Variants in MYO5C observed in about 807,000 individuals in gnomAD.
MYO5C encodes myosin VC.
A neutral mutation model predicts 235.7 loss-of-function variants in MYO5C; 194 were observed. That is an observed-to-expected ratio of 0.82 (90% confidence interval 0.73 to 0.93). MYO5C has a LOEUF of 0.93. Ranked by LOEUF, MYO5C falls within the 40% of genes least tolerant of loss-of-function variation. The pLI is 0.00. For synonymous variants in MYO5C, 707 were observed against 754.8 expected, an observed-to-expected ratio of 0.94 and a Z score of 1.04; for missense variants, 2,038 against 2,127.2, an observed-to-expected ratio of 0.96 and a Z score of 0.82.
Position 52,246,978 on chromosome 15 carries a change from T to C in MYO5C, c.1918A>G (p.Asn640Asp), listed in dbSNP as rs745989609. 6.2e-6 allele frequency: 10 copies of C among 1,613,992 alleles called. No homozygotes were observed. Among genetic ancestry groups the C allele is most frequent in the Non-Finnish European group, 6.8e-6 (8 of 1,179,992 alleles). ...SSLYLLMETL[N>D]ATTPHYVRCI... ...CGAACGTAGTGGGGCGTCGTCGCAT[T>C]GAGGGTCTCCATGAGCAAGTACAGA... Residue 640 changes from asparagine (N) to aspartate (D), a missense_variant, in exon 16 of 41, where the codon AAT becomes GAT. Coordinates refer to ENST00000261839, the MANE Select transcript of MYO5C (RefSeq NM_018728.4).
intron 17 of MYO5C, 49 bp downstream of exon 17, chr15:52,245,907 G>C (rs2036330596): frequency 3.3e-6 from 5 of 1,530,374 alleles, no homozygotes; most frequent in Non-Finnish European, 3.6e-6. Flanking sequence ...TCTCAGCATA[G>C]CTCTGATGTC....
chr15:52,265,087 T>G (rs2036775583), intron 8 of MYO5C: 1 of 152,278 alleles, frequency 6.6e-6, no homozygotes, highest in African/African-American at 2.4e-5. Flanking sequence ...TTGTAAATAA[T>G]AAATAACCCC....
rs779643149 is a variant in MYO5C at position 52,219,825 on chromosome 15, A to G, written c.3722-3T>C. On this transcript the variant is annotated splice_polypyrimidine_tract_variant and splice_region_variant and intron_variant, in intron 30 of 40. Coordinates refer to ENST00000261839, the MANE Select transcript of MYO5C (RefSeq NM_018728.4). ...ATTAGACAATTCTTCTAGTTTTCCT[A>G]TAATGAGAAGAACTGTCAGTACTTT... The G allele has an allele frequency of 1.2e-6, 2 of 1,609,304 alleles. No homozygotes were observed. The highest frequency in any genetic ancestry group is 1.3e-5 in the African/African-American group (1 of 74,968).
At chr15:52,208,088 T>C (rs1191459140) in intron 36 of MYO5C, among the ~76,000 whole-genome samples, 1 of 152,228 alleles carries the variant, frequency 6.6e-6, no homozygotes, top group African/African-American at 2.4e-5. Context: ...TTTGTTATTT[T>C]AGTTCAATGA....
At chr15:52,264,325 A>G in intron 8 of MYO5C, 29 bp from the exon 9 acceptor site, 1 of 1,528,674 alleles carries the variant, frequency 6.5e-7, no homozygotes, top group Non-Finnish European at 9.0e-7. Context: ...CCAGATTAGA[A>G]TACTGCATCT....
intron 13 of MYO5C, among the ~76,000 whole-genome samples, chr15:52,250,580 C>G (rs1343874586): frequency 6.6e-6 from 1 of 152,200 alleles, no homozygotes; most frequent in Non-Finnish European, 1.5e-5. Context: ...ACTCTGCTAG[C>G]ACACAAAGGT....
intron 38 of MYO5C, among the ~76,000 whole-genome samples, chr15:52,201,462 C>T (rs2035185691): frequency 2.0e-5 from 3 of 152,166 alleles, no homozygotes; most frequent in East Asian, 1.9e-4. Context: ...AAAGTGAAGA[C>T]ATTTTCAACT....
In MYO5C at chr15:52,238,570, C is replaced by G. The variant is rs113629384; in HGVS notation, c.2704-924G>C. Among the ~76,000 whole-genome samples, 608 of 152,320 alleles carry G rather than the reference C, an allele frequency of 4.0e-3. 3 individuals are homozygous for G. Among genetic ancestry groups the G allele is most frequent in the Middle Eastern group, 0.01 (3 of 294 alleles). The stretch of plus-strand genomic sequence containing the variant: ...AGGCCTGGGAGTGAGTTTTACGGAT[C>G]TAGACACTGTGTGTTCCATAGCCCT... On this transcript the variant is annotated intron_variant, in intron 21 of 40. Coordinates refer to ENST00000261839, the MANE Select transcript of MYO5C (RefSeq NM_018728.4).
chr15:52,244,259 G>C (rs904855859), intron 19 of MYO5C, 97 bp downstream of exon 19: 14 of 1,253,760 alleles, frequency 1.1e-5, no homozygotes, highest in Non-Finnish European at 1.0e-5. Context: ...CTGGGTCACA[G>C]GAGAAAGGTC....
chr15:52,257,399 G>C (rs1435460572), intron 10 of MYO5C, among the ~76,000 whole-genome samples: 1 of 152,208 alleles, frequency 6.6e-6, no homozygotes, highest in Non-Finnish European at 1.5e-5. Context: ...CCCTTGGGGA[G>C]GCAGCTGCTA....
chr15:52,196,296 C>T lies in MYO5C; in HGVS notation c.4995+13G>A. 1 of 1,590,526 alleles carries T rather than the reference C, an allele frequency of 6.3e-7. No individual in the cohort carries two copies. The highest frequency in any genetic ancestry group is 1.8e-5 in the Admixed American group (1 of 57,138). On this transcript the variant is annotated intron_variant, in intron 39 of 40. Transcript: ENST00000261839. ...AGGGAAGAGCCAGGGAGACACTAAG[C>T]AAGCCTGGTCACCTGCACAGCAGAC... is the stretch of plus-strand genomic sequence containing the variant.
In MYO5C at chr15:52,272,577, T is replaced by TA; in HGVS notation, c.750+2dup. 6.2e-7 allele frequency: 1 copy of TA among 1,610,146 alleles called. No homozygotes were observed. Among genetic ancestry groups the TA allele is most frequent in the Non-Finnish European group, 8.5e-7 (1 of 1,178,924 alleles). ...GTTGGGGAAAAGGAAATTTAATACT[T>TA]ACTTGAAAGACAACTCTGGATTTCT... On this transcript the variant is annotated splice_region_variant and intron_variant, in intron 6 of 40. Transcript: ENST00000261839.
At chr15:52,196,077 C>T (rs2035044715) in intron 39 of MYO5C, among the ~76,000 whole-genome samples, 1 of 145,966 alleles carries the variant, frequency 6.9e-6, no homozygotes, top group African/African-American at 2.5e-5. Context: ...TCTCAAAGTG[C>T]TGGATTACAG....
intron 24 of MYO5C, among the ~76,000 whole-genome samples, chr15:52,230,837 T>TC (rs1260248361): frequency 6.6e-6 from 1 of 150,928 alleles, no homozygotes; most frequent in African/African-American, 2.4e-5. Context: ...TTTTTTTTTT[T>TC]TTTTTTTGGA....
chr15:52,218,554 G>A lies in MYO5C; in HGVS notation c.3919C>T (p.Arg1307Trp), dbSNP rs536509830. Residue 1307 changes from arginine to tryptophan, a missense_variant, in exon 32 of 41, where the codon CGG (arginine) becomes TGG (tryptophan). Arg to Trp is a moderately radical substitution (Grantham distance 101). Transcript: ENST00000261839. ...AAAGTGAGCCGGGATGCTTCCTGCC[G>A]GAAGTTACACTTGACTTCACTTTCA... ...ETESEVKCNFRQEASRLTLEN... is the reference protein window; with the variant it reads ...ETESEVKCNFWQEASRLTLEN... 59 of 1,614,058 alleles carry A rather than the reference G, an allele frequency of 3.7e-5. No individual in the cohort carries two copies. The highest frequency in any genetic ancestry group is 4.5e-5 in the East Asian group (2 of 44,904).
In MYO5C at chr15:52,222,408, G is replaced by A. The variant is rs116134862; in HGVS notation, c.3627+1136C>T. Among the ~76,000 whole-genome samples, 593 of 152,296 alleles carry A rather than the reference G, an allele frequency of 3.9e-3. 4 individuals are homozygous for A. The highest frequency in any genetic ancestry group is 0.014 in the African/African-American group (577 of 41,556). ...AACACTCTCAGTTTAGGGAGAGGAG[G>A]GGGTAGTAAGGAAGTAGGGGAGCAG... On this transcript the variant is annotated intron_variant, in intron 29 of 40. Coordinates refer to ENST00000261839, the MANE Select transcript of MYO5C (RefSeq NM_018728.4).
intron 21 of MYO5C, 39 bp from the exon 22 acceptor site, chr15:52,237,685 A>C (rs1487596731): frequency 6.3e-7 from 1 of 1,577,498 alleles, no homozygotes; most frequent in East Asian, 2.2e-5. Context: ...AGGTTAATCC[A>C]AACAAAGATG....
chr15:52,211,628 T>C (rs1041489303), intron 35 of MYO5C, 102 bp downstream of exon 35: 8 of 1,290,220 alleles, frequency 6.2e-6, no homozygotes, highest in Non-Finnish European at 7.6e-6. Flanking sequence ...TGAGGAATCA[T>C]GTGGCTCACC....
chr15:52,219,851 G>C (rs769529397), intron 30 of MYO5C, 29 bp from the exon 31 acceptor site: 5 of 1,547,724 alleles, frequency 3.2e-6, no homozygotes, highest in African/African-American at 2.8e-5. Flanking sequence ...TCAGTACTTT[G>C]GGGGGGCACA....
Sources: gnomAD v4.1 joint callset for allele counts (sites outside exome capture counted in the v4.1 genomes callset) on GRCh38, gnomAD v4.1.1 for gene constraint, MANE v1.5 for transcripts, NCBI Gene and HGNC (gene_info 2026-07-23, HGNC 2026-07-21) for gene names.